The following CLYBL variants were observed in gnomAD, a reference collection of about 807,000 sequenced individuals.
The protein encoded by CLYBL is citramalyl-CoA lyase.
In CLYBL, 31 loss-of-function variants were observed where a neutral mutation model predicts 38.9. The observed-to-expected ratio is 0.80, with a 90% CI of 0.60 to 1.08. The LOEUF (loss-of-function observed/expected upper bound fraction) is 1.08. Among genes scored for constraint, CLYBL ranks in the 50% least tolerant of loss-of-function variants. The pLI, the probability that CLYBL is intolerant of heterozygous loss-of-function variation, is 0.00. For missense variants in CLYBL, 434 were observed against 411.6 expected, an observed-to-expected ratio of 1.05 and a Z score of -0.47; for synonymous variants, 171 against 158.6, an observed-to-expected ratio of 1.08 and a Z score of -0.59.
chr13:99,831,485 G>A (rs1164090150), intron 2 of CLYBL, among the ~76,000 whole-genome samples: 2 of 151,740 alleles, frequency 1.3e-5, no homozygotes, highest in African/African-American at 2.4e-5. Flanking sequence ...TGATAGGTGC[G>A]GCAAACCACC....
chr13:99,626,102 C>A (rs1341440048), intron 1 of CLYBL, among the ~76,000 whole-genome samples: 1 of 152,176 alleles, frequency 6.6e-6, no homozygotes, highest in Non-Finnish European at 1.5e-5. Context: ...AACGAAGATG[C>A]CATGGCCGGT....
intron 2 of CLYBL, among the ~76,000 whole-genome samples, chr13:99,812,772 T>C (rs1306561350): frequency 2.6e-5 from 4 of 152,206 alleles, no homozygotes; most frequent in African/African-American, 4.8e-5. Context: ...TCACCAGTTA[T>C]GGAACTACTC....
At chr13:99,871,426 G>A (rs2051894170) in intron 7 of CLYBL, among the ~76,000 whole-genome samples, 1 of 152,172 alleles carries the variant, frequency 6.6e-6, no homozygotes, top group Admixed American at 6.5e-5. Context: ...AACACAGTTT[G>A]ACTAAATGGT....
chr13:99,808,794 A>G (rs2050282469), intron 2 of CLYBL, among the ~76,000 whole-genome samples: 1 of 152,260 alleles, frequency 6.6e-6, no homozygotes, highest in Non-Finnish European at 1.5e-5. Flanking sequence ...ATTAACTTAA[A>G]AACCAAAGTA....
chr13:99,830,515 G>A (rs1032455271), intron 2 of CLYBL, among the ~76,000 whole-genome samples: 5 of 152,210 alleles, frequency 3.3e-5, no homozygotes, highest in Non-Finnish European at 5.9e-5. Context: ...CAGGAATGTT[G>A]CAGAGAGGAG....
chr13:99,630,482 T>TTGGGGGC (rs1265954800), intron 1 of CLYBL, among the ~76,000 whole-genome samples: 7 of 152,142 alleles, frequency 4.6e-5, no homozygotes. Context: ...AGTGGAGAAG[T>TTGGGGGC]TGGGGGCAGG....
intron 2 of CLYBL, among the ~76,000 whole-genome samples, chr13:99,777,376 A>G (rs1192216014): frequency 1.3e-5 from 2 of 152,210 alleles, no homozygotes; most frequent in South Asian, 2.1e-4. Flanking sequence ...AGGTCAGGTA[A>G]ATGAGACTTG....
intron 1 of CLYBL, among the ~76,000 whole-genome samples, chr13:99,679,453 T>C (rs1299288056): frequency 2.0e-5 from 3 of 152,192 alleles, no homozygotes; most frequent in African/African-American, 7.2e-5. Flanking sequence ...TCCTCTTTAA[T>C]GTGACCTTTT....
rs374309484 is a variant in CLYBL at position 99,790,560 on chromosome 13, C to A, written c.249+17550C>A. Among the ~76,000 whole-genome samples the A allele has an allele frequency of 2.0e-5, 3 of 152,322 alleles. No homozygotes were observed. In the East Asian group the frequency reaches 5.8e-4, roughly 29 times the overall value. ...TCTATTCTGGCTTGTAGAGTTACTG[C>A]TGAGAGATCCACTGTTAGTCTGATG... On this transcript the variant is annotated intron_variant, in intron 2 of 8. Transcript: ENST00000339105.
At chr13:99,903,873 A>C (rs1873758283) in intron 8 of CLYBL, among the ~76,000 whole-genome samples, 1 of 152,062 alleles carries the variant, frequency 6.6e-6, no homozygotes, top group African/African-American at 2.4e-5. Flanking sequence ...CATCTCTACA[A>C]AATAAAATTA....
chr13:99,847,633 T>G (rs1594218647), intron 2 of CLYBL, among the ~76,000 whole-genome samples: 1 of 152,270 alleles, frequency 6.6e-6, no homozygotes, highest in Non-Finnish European at 1.5e-5. Context: ...CAGAATTCTT[T>G]CAGTGCTCTG....
rs1313663563 is a variant in CLYBL at position 99,865,656 on chromosome 13, C to T, written c.635-584C>T. Among the ~76,000 whole-genome samples the T allele has an allele frequency of 6.6e-6, 1 of 152,220 alleles. No individual in the cohort carries two copies. Among genetic ancestry groups the T allele is most frequent in the Non-Finnish European group, 1.5e-5 (1 of 68,042 alleles). On this transcript the variant is annotated intron_variant, in intron 5 of 8. Transcript: ENST00000339105. This position sits in a 1 kb window ranked among gnomAD's most constrained non-coding sequence, Gnocchi z 4.7. ...GAATTTATTTGAATACGAGTCTTTC[C>T]AGGAGACTTGTGTATCCAACGGTTC...
chr13:99,790,752 T>A (rs2049897929), intron 2 of CLYBL, among the ~76,000 whole-genome samples: 1 of 152,240 alleles, frequency 6.6e-6, no homozygotes, highest in South Asian at 2.1e-4. Flanking sequence ...TCTGGGCTGC[T>A]GGTCCTTCAG....
intron 2 of CLYBL, among the ~76,000 whole-genome samples, chr13:99,842,606 A>C (rs2051108749): frequency 6.6e-6 from 1 of 152,144 alleles, no homozygotes; most frequent in Admixed American, 6.5e-5. Context: ...TGCTGGTGTA[A>C]GGACATCTGG....
chr13:99,616,188 G>T (rs1055704154), intron 1 of CLYBL, among the ~76,000 whole-genome samples: 3 of 121,176 alleles, frequency 2.5e-5, no homozygotes, highest in Non-Finnish European at 3.3e-5. Context: ...AAGCTATGTT[G>T]CCCAGACTGG....
At chr13:99,638,344 T>C (rs1159538842) in intron 1 of CLYBL, among the ~76,000 whole-genome samples, 2 of 152,264 alleles carry the variant, frequency 1.3e-5, no homozygotes, top group African/African-American at 4.8e-5. Context: ...TTTTTACTAA[T>C]TCAGATGGGC....
chr13:99,874,602 AAAT>A (rs1233024253), intron 7 of CLYBL, among the ~76,000 whole-genome samples: 1 of 152,194 alleles, frequency 6.6e-6, no homozygotes, highest in Non-Finnish European at 1.5e-5. Flanking sequence ...CATCTCAAGC[AAAT>A]AATCATCTAA....
chr13:99,785,688 C>A (rs915864096), intron 2 of CLYBL, among the ~76,000 whole-genome samples: 4 of 151,900 alleles, frequency 2.6e-5, no homozygotes, highest in African/African-American at 9.7e-5. Flanking sequence ...CATCTGCCTC[C>A]CAGGTTCAAG....
At chr13:99,873,123 G>A (rs1371911104) in intron 7 of CLYBL, among the ~76,000 whole-genome samples, 1 of 151,992 alleles carries the variant, frequency 6.6e-6, no homozygotes, top group Non-Finnish European at 1.5e-5. Context: ...AAATTCTCCT[G>A]GTGTTTTGTC....
Sources: gnomAD v4.1 joint callset for allele counts (sites outside exome capture counted in the v4.1 genomes callset) on GRCh38, gnomAD v4.1.1 for gene constraint, Gnocchi (gnomAD v3.1) non-coding constraint, MANE v1.5 for transcripts, NCBI Gene and HGNC (gene_info 2026-07-23, HGNC 2026-07-21) for gene names.